The following ST8SIA1 variants were observed in gnomAD, a reference collection of about 807,000 sequenced individuals.
The protein encoded by ST8SIA1 is ST8 alpha-N-acetyl-neuraminide alpha-2,8-sialyltransferase 1, also known as alpha-N-acetylneuraminide alpha-2,8-sialyltransferase.
ST8SIA1 carries 16 observed loss-of-function variants against 35.9 expected under a neutral mutation model. The ratio of observed to expected loss-of-function variants is 0.45; its 90% CI spans 0.30 to 0.68. ST8SIA1 has a LOEUF of 0.68. Ranked by LOEUF, ST8SIA1 falls within the 30% of genes least tolerant of loss-of-function variation. The pLI is 0.09. For missense variants in ST8SIA1, 383 were observed against 453.6 expected, an observed-to-expected ratio of 0.84 and a Z score of 1.41; for synonymous variants, 170 against 169.6, an observed-to-expected ratio of 1.00 and a Z score of -0.02.
At chr12:22,305,342 C>T (rs983512317) in intron 1 of ST8SIA1, among the ~76,000 whole-genome samples, 8 of 149,578 alleles carry the variant, frequency 5.3e-5, no homozygotes, top group East Asian at 1.9e-4. Flanking sequence ...ATTACAGGTA[C>T]GGTAATATTA....
chr12:22,219,676 T>A (rs1400902865), intron 4 of ST8SIA1, among the ~76,000 whole-genome samples: 2 of 152,154 alleles, frequency 1.3e-5, no homozygotes, highest in Non-Finnish European at 2.9e-5. Context: ...ATTTACAGGA[T>A]CTTTAAAGCA....
rs1866826375 is a variant in ST8SIA1, at chr12:22,334,706, A to ACACCCCCCCC, written c.-475_-474insGGGGGGGGTG. 1.5e-5 allele frequency: 1 copy of ACACCCCCCCC among 64,560 alleles called. No individual in the cohort carries two copies. The highest frequency in any genetic ancestry group is 5.1e-5 in the African/African-American group (1 of 19,574). The allele number at this position is 64,560 out of a possible 1,614,324, so 4.0% of individuals were successfully genotyped here. A position where few individuals can be genotyped will look rare whatever the true frequency, so the allele number is the denominator to read the frequency against. On this transcript the variant is annotated 5_prime_UTR_variant, in exon 1 of 5. Transcript: ENST00000396037. The stretch of plus-strand genomic sequence containing the variant: ...TCCCGCGCTGCTGCGCCGCCAGGCA[A>ACACCCCCCCC]CCCCCCCCCCCCCACCCCGCCCCGA...
At chr12:22,296,286 A>G (rs1866242852) in intron 1 of ST8SIA1, among the ~76,000 whole-genome samples, 1 of 152,178 alleles carries the variant, frequency 6.6e-6, no homozygotes, top group Admixed American at 6.5e-5. Flanking sequence ...GCCCTCCCTT[A>G]CAGATCCTCA....
intron 4 of ST8SIA1, chr12:22,248,722 G>T: frequency 3.5e-6 from 1 of 286,674 alleles, no homozygotes; most frequent in Non-Finnish European, 6.5e-6. Context: ...TAGCAGTAAT[G>T]AGTAAACAGA....
intron 1 of ST8SIA1, among the ~76,000 whole-genome samples, chr12:22,326,904 T>C (rs1866689138): frequency 6.6e-6 from 1 of 152,142 alleles, no homozygotes; most frequent in South Asian, 2.1e-4. Flanking sequence ...TGATACATAG[T>C]ATCATTATTT....
intron 4 of ST8SIA1, among the ~76,000 whole-genome samples, chr12:22,215,403 A>T (rs1274992271): frequency 6.6e-6 from 1 of 152,214 alleles, no homozygotes; most frequent in Non-Finnish European, 1.5e-5. Flanking sequence ...CAATGCTAAC[A>T]AAGTCTCTGC....
chr12:22,266,538 A>G (rs959643359), intron 2 of ST8SIA1, among the ~76,000 whole-genome samples: 7 of 151,832 alleles, frequency 4.6e-5, no homozygotes, highest in Admixed American at 2.0e-4. Flanking sequence ...GGTGGCTCAC[A>G]TCTATAATCC....
intron 4 of ST8SIA1, among the ~76,000 whole-genome samples, chr12:22,210,275 T>C (rs1246576611): frequency 6.6e-6 from 1 of 152,034 alleles, no homozygotes; most frequent in Non-Finnish European, 1.5e-5. Flanking sequence ...ATGTGGTGCA[T>C]GGGAAAATGT....
At chr12:22,237,296 T>C (rs914910227) in intron 4 of ST8SIA1, among the ~76,000 whole-genome samples, 3 of 151,990 alleles carry the variant, frequency 2.0e-5, no homozygotes, top group African/African-American at 7.2e-5. Context: ...AAGGTCTCAC[T>C]ATATGGCCCA....
chr12:22,268,110 T>A lies in ST8SIA1; in HGVS notation c.382-12721A>T, dbSNP rs765077028. On this transcript the variant is annotated intron_variant, in intron 2 of 4. Transcript: ENST00000396037. ...TAAACCATGTCTTTGTAACTCTTAGTGTCTCCAGAGCCTACCACATAGGTA... is the reference window on the plus strand; with the variant it reads ...TAAACCATGTCTTTGTAACTCTTAGAGTCTCCAGAGCCTACCACATAGGTA... 2.0e-5 allele frequency among the ~76,000 whole-genome samples: 3 copies of A among 152,234 alleles called. No homozygotes were observed. The East Asian group carries it at 5.8e-4, about 29-fold the overall frequency.
chr12:22,291,732 A>G (rs189950630), intron 1 of ST8SIA1, among the ~76,000 whole-genome samples: 2 of 152,322 alleles, frequency 1.3e-5, no homozygotes, highest in African/African-American at 2.4e-5. Context: ...TTGAAATTCT[A>G]TCAGTCAGGT....
intron 1 of ST8SIA1, among the ~76,000 whole-genome samples, chr12:22,326,744 C>T (rs1321145545): frequency 1.3e-5 from 2 of 152,276 alleles, no homozygotes; most frequent in East Asian, 3.9e-4. Flanking sequence ...GCACATTATA[C>T]TCATTTTTCA....
intron 2 of ST8SIA1, among the ~76,000 whole-genome samples, chr12:22,257,281 G>C (rs896222892): frequency 6.6e-6 from 1 of 151,710 alleles, no homozygotes; most frequent in Non-Finnish European, 1.5e-5. Context: ...GCATGATCTC[G>C]GCTCACTGCA....
intron 4 of ST8SIA1, among the ~76,000 whole-genome samples, chr12:22,229,071 A>G (rs1277223860): frequency 2.0e-5 from 3 of 151,296 alleles, no homozygotes; most frequent in African/African-American, 7.3e-5. Flanking sequence ...AAAAAAAAAA[A>G]AAGTAATGGG....
chr12:22,226,162 G>A (rs887107232), intron 4 of ST8SIA1, among the ~76,000 whole-genome samples: 2 of 152,020 alleles, frequency 1.3e-5, no homozygotes, highest in Non-Finnish European at 2.9e-5. Context: ...AAGAATATTC[G>A]AGAAATAACC....
rs138411769 is a variant in ST8SIA1, at chr12:22,201,682, T to A, written c.941A>T (p.Asn314Ile). Residue 314 changes from asparagine to isoleucine, a missense_variant, in exon 5 of 5, where the codon AAC (asparagine) becomes ATC (isoleucine). Asn to Ile is a moderately radical substitution (Grantham distance 149). Transcript: ENST00000396037. ...ATGGAAGCCAGAAAAGGGTAAGACG[T>A]TGTCATAGTAGTGGTGGCTGATGGG... ...EQPISHHYYD[N>I]VLPFSGFHAM... The A allele has an allele frequency of 6.2e-7, 1 of 1,613,988 alleles. No individual in the cohort carries two copies. Among genetic ancestry groups the A allele is most frequent in the African/African-American group, 1.3e-5 (1 of 74,928 alleles).
chr12:22,321,414 TC>T (rs1866599152), intron 1 of ST8SIA1, among the ~76,000 whole-genome samples: 1 of 152,102 alleles, frequency 6.6e-6, no homozygotes, highest in Admixed American at 6.5e-5. Context: ...CTATGAATAT[TC>T]CCCTCCTCCC....
intron 4 of ST8SIA1, among the ~76,000 whole-genome samples, chr12:22,241,433 C>T (rs770225859): frequency 5.3e-5 from 8 of 152,034 alleles, no homozygotes; most frequent in African/African-American, 1.2e-4. Flanking sequence ...TGCTCCTGCT[C>T]GGGCCATGTG....
intron 4 of ST8SIA1, among the ~76,000 whole-genome samples, chr12:22,227,040 G>A (rs900158499): frequency 6.6e-5 from 10 of 151,764 alleles, no homozygotes; most frequent in Admixed American, 1.3e-4. Flanking sequence ...TCTGCCTCCC[G>A]GGTTCAATGA....
Sources: gnomAD v4.1 joint callset for allele counts (sites outside exome capture counted in the v4.1 genomes callset) on GRCh38, gnomAD v4.1.1 for gene constraint, MANE v1.5 for transcripts, NCBI Gene and HGNC (gene_info 2026-07-23, HGNC 2026-07-21) for gene names.